CELF1: variants seen among roughly 807,000 people sequenced by gnomAD.
CELF1 encodes CUGBP Elav-like family member 1, also known as 50 kDa nuclear polyadenylated RNA-binding protein.
In CELF1, 10 loss-of-function variants were observed where a neutral mutation model predicts 61.8. The observed-to-expected ratio is 0.16, with a 90% CI of 0.10 to 0.27. The LOEUF is 0.27. CELF1 is among the 10% of genes least tolerant of loss of function. The pLI is 1.00. For missense variants in CELF1, 380 were observed against 639.1 expected (o/e 0.59, Z 4.37); for synonymous variants, 236 against 225.1 (o/e 1.05, Z -0.43).
intron 2 of CELF1, among the ~76,000 whole-genome samples, chr11:47,562,708 T>G (rs751572308): frequency 0.015 from 2,281 of 150,842 alleles, 42 homozygotes; most frequent in African/African-American, 0.046. Flanking sequence ...TTTTGTTTTG[T>G]TTTGTTTTTT....
At chr11:47,492,957 C>T (rs1035740809) in intron 3 of CELF1, among the ~76,000 whole-genome samples, 8 of 152,148 alleles carry the variant, frequency 5.3e-5, no homozygotes, top group East Asian at 1.9e-4. Flanking sequence ...ATCTGTATTA[C>T]GGAGGCAACT....
intron 1 of CELF1, among the ~76,000 whole-genome samples, chr11:47,522,061 C>T (rs1486465677): frequency 6.6e-6 from 1 of 152,050 alleles, no homozygotes; most frequent in Non-Finnish European, 1.5e-5. Flanking sequence ...CTGGCATGTG[C>T]CACCAAGCCT....
At chr11:47,486,157 T>A (rs2086879300) in intron 6 of CELF1, among the ~76,000 whole-genome samples, 1 of 22,078 alleles carries the variant, frequency 4.5e-5, no homozygotes, top group Non-Finnish European at 1.3e-4. Context: ...TGAGACTCCA[T>A]CTCAAAAAAA....
At chr11:47,535,043 C>T (rs750973503) in intron 1 of CELF1, among the ~76,000 whole-genome samples, 2 of 152,046 alleles carry the variant, frequency 1.3e-5, no homozygotes, top group Non-Finnish European at 2.9e-5. Context: ...TTAAGTCTTT[C>T]CATAGATCTA....
intron 1 of CELF1, among the ~76,000 whole-genome samples, chr11:47,552,452 G>A (rs1472745780): frequency 2.0e-5 from 3 of 152,246 alleles, no homozygotes; most frequent in African/African-American, 7.2e-5. Flanking sequence ...CTGATGTGGG[G>A]GGAGGGCGAG....
intron 3 of CELF1, among the ~76,000 whole-genome samples, chr11:47,491,034 G>A (rs2091204430): frequency 6.6e-6 from 1 of 151,350 alleles, no homozygotes; most frequent in South Asian, 2.1e-4. Flanking sequence ...GCTAATTTTT[G>A]TATTTTTAGT....
intron 12 of CELF1, 138 bp downstream of exon 12, chr11:47,476,708 G>A (rs1490657632): frequency 1.2e-5 from 8 of 677,464 alleles, no homozygotes; most frequent in South Asian, 5.2e-5. Flanking sequence ...TTAGAGGTGT[G>A]AGCCACCACA....
chr11:47,547,109 C>T (rs1330354352), intron 1 of CELF1, among the ~76,000 whole-genome samples: 1 of 95,324 alleles, frequency 1.0e-5, no homozygotes, highest in Admixed American at 9.6e-5. Context: ...AAAGAAAATG[C>T]TGTATATTCA....
intron 1 of CELF1, among the ~76,000 whole-genome samples, chr11:47,503,042 T>C (rs752579864): frequency 6.6e-6 from 1 of 152,242 alleles, no homozygotes; most frequent in African/African-American, 2.4e-5. Flanking sequence ...CAGTATTCTC[T>C]GCCTTGAATA....
intron 1 of CELF1, among the ~76,000 whole-genome samples, chr11:47,504,807 C>T (rs938818302): frequency 6.8e-6 from 1 of 147,486 alleles, no homozygotes; most frequent in Non-Finnish European, 1.5e-5. Flanking sequence ...GAGGCTGAGA[C>T]AGGAGAATCG....
rs868347292 is a variant in CELF1 at position 47,545,903 on chromosome 11, G to A, written c.-154+7089C>T. 6.1e-3 allele frequency among the ~76,000 whole-genome samples: 540 copies of A among 88,098 alleles called. 1 individual carries two copies. The highest frequency in any genetic ancestry group is 0.017 in the Middle Eastern group (3 of 174). The allele number at this position is 88,098 out of a possible 152,430, so 57.8% of individuals were successfully genotyped here. A position where few individuals can be genotyped will look rare whatever the true frequency, so the allele number is the denominator to read the frequency against. On this transcript the variant is annotated intron_variant, in intron 1 of 14. Coordinates refer to ENST00000687097, the MANE Select transcript of CELF1 (RefSeq NM_001376376.1). ...TGTGTGTGTGTGTGTGTGTGTGTGT[G>A]TGTATATATATATTTTTTTTTTTTT...
intron 13 of CELF1, among the ~76,000 whole-genome samples, chr11:47,474,888 A>T (rs1444873703): frequency 2.0e-5 from 3 of 152,190 alleles, no homozygotes; most frequent in African/African-American, 7.2e-5. Flanking sequence ...ACTCTGTCCC[A>T]TCACCCCTCA....
At chr11:47,501,491 TA>T (rs1210169148) in intron 1 of CELF1, among the ~76,000 whole-genome samples, 5 of 152,124 alleles carry the variant, frequency 3.3e-5, no homozygotes, top group African/African-American at 1.2e-4. Flanking sequence ...AGAATTCCTC[TA>T]AAAAGACATT....
chr11:47,477,844 A>G (rs954489426), intron 10 of CELF1, among the ~76,000 whole-genome samples: 1 of 152,234 alleles, frequency 6.6e-6, no homozygotes, highest in Non-Finnish European at 1.5e-5. Flanking sequence ...AACATGGCAG[A>G]TGCAGAAGGC....
At chr11:47,530,391 G>A (rs1386825361) in intron 1 of CELF1, among the ~76,000 whole-genome samples, 4 of 152,172 alleles carry the variant, frequency 2.6e-5, no homozygotes, top group Non-Finnish European at 5.9e-5. Context: ...AACCTGTAAA[G>A]GAAGGCTTAA....
intron 3 of CELF1, among the ~76,000 whole-genome samples, chr11:47,489,935 G>GTTTTTGTTTTT (rs1555170253): frequency 8.3e-5 from 4 of 48,222 alleles, no homozygotes; most frequent in African/African-American, 1.6e-4. Flanking sequence ...ATACCATCTT[G>GTTTTTGTTTTT]TTTTTTTTTT....
Position 47,470,496 on chromosome 11 carries a change from C to A in CELF1, c.*1734G>T, listed in dbSNP as rs905122290. 2 of 152,120 alleles carry A rather than the reference C, an allele frequency of 1.3e-5. No homozygotes were observed. The highest frequency in any genetic ancestry group is 4.8e-5 in the African/African-American group (2 of 41,414). The allele number at this position is 152,120 out of a possible 1,614,324, so 9.4% of individuals were successfully genotyped here. A position where few individuals can be genotyped will look rare whatever the true frequency, so the allele number is the denominator to read the frequency against. On this transcript the variant is annotated 3_prime_UTR_variant, in exon 15 of 15. Transcript: ENST00000687097. ...TTAGAGGACAACAGACCCAAGTTAT[C>A]ACTATGAGAAAGGAACAGCTGTCCC...
chr11:47,561,431 A>T (rs1366899420), intron 2 of CELF1, among the ~76,000 whole-genome samples: 2 of 127,258 alleles, frequency 1.6e-5, no homozygotes, highest in Non-Finnish European at 3.2e-5. Context: ...CGACAGAACG[A>T]GACTCCGTCT....
chr11:47,517,746 G>A lies in CELF1; in HGVS notation c.-153-16814C>T, dbSNP rs890166332. Among the ~76,000 whole-genome samples the A allele has an allele frequency of 9.2e-5, 14 of 151,784 alleles. 1 individual carries two copies. The South Asian group carries it at 1.7e-3, about 18-fold the overall frequency. ...TGGCTCACTGCAACCTCCGCCTCCC[G>A]GGTTCAAGCAATTCTACTGCCTCAG... On this transcript the variant is annotated intron_variant, in intron 1 of 14. Coordinates refer to ENST00000687097, the MANE Select transcript of CELF1 (RefSeq NM_001376376.1).
Sources: gnomAD v4.1 joint callset for allele counts (sites outside exome capture counted in the v4.1 genomes callset) on GRCh38, gnomAD v4.1.1 for gene constraint, MANE v1.5 for transcripts, NCBI Gene and HGNC (gene_info 2026-07-23, HGNC 2026-07-21) for gene names.